The following OPCML variants were observed in gnomAD, a reference collection of about 807,000 sequenced individuals.
The protein encoded by OPCML is opioid binding protein/cell adhesion molecule like, also known as opioid-binding protein/cell adhesion molecule.
Under a neutral mutation model 37.8 loss-of-function variants are expected in OPCML, and 13 were observed. The ratio of observed to expected loss-of-function variants is 0.34; its 90% CI spans 0.22 to 0.55. OPCML has a LOEUF of 0.55. Ranked by LOEUF, OPCML falls within the 20% of genes least tolerant of loss-of-function variation. The pLI, the probability that OPCML is intolerant of heterozygous loss-of-function variation, is 0.91. For synonymous variants in OPCML, 176 were observed against 168.8 expected (o/e 1.04, Z -0.33); for missense variants, 341 against 435.6 (o/e 0.78, Z 1.93).
intron 1 of OPCML, among the ~76,000 whole-genome samples, chr11:133,028,524 CGTGTGTGTGTGT>C (rs10541354): frequency 1.4e-5 from 2 of 147,234 alleles, no homozygotes; most frequent in Admixed American, 1.3e-4. Flanking sequence ...TGATAAGGAG[CGTGTGTGTGTGT>C]GTGTGTGTGT....
intron 1 of OPCML, among the ~76,000 whole-genome samples, chr11:133,150,149 GTCTT>G (rs1293250670): frequency 1.3e-5 from 2 of 152,224 alleles, no homozygotes; most frequent in African/African-American, 4.8e-5. Context: ...TGTTTTCTGT[GTCTT>G]TATTCTCCAC....
At position 133,303,457 on chromosome 11, in the gene OPCML, A is replaced by G. The variant is rs1942832178; in HGVS notation, c.61+228807T>C. Among the ~76,000 whole-genome samples the G allele has an allele frequency of 2.0e-5, 3 of 152,306 alleles. No homozygotes were observed. The South Asian group carries it at 6.2e-4, about 32-fold the overall frequency. ...AAACTAGAAGGTTTCATGACTGCTAATTGCTGAGTCTGCTATTCATTGCGG... is the reference window on the plus strand; with the variant it reads ...AAACTAGAAGGTTTCATGACTGCTAGTTGCTGAGTCTGCTATTCATTGCGG... On this transcript the variant is annotated intron_variant, in intron 1 of 7. Transcript: ENST00000524381.
intron 2 of OPCML, among the ~76,000 whole-genome samples, chr11:132,805,583 C>T (rs764072382): frequency 2.6e-5 from 4 of 152,136 alleles, no homozygotes; most frequent in Non-Finnish European, 5.9e-5. Context: ...GACTTCTCAT[C>T]AGAGCAATAG....
At chr11:132,796,561 CTTTCT>C (rs1565870494) in intron 2 of OPCML, among the ~76,000 whole-genome samples, 2 of 122,298 alleles carry the variant, frequency 1.6e-5, no homozygotes, top group African/African-American at 6.1e-5. Flanking sequence ...CACTTTTCTT[CTTTCT>C]TTTTTTTTTT....
intron 1 of OPCML, among the ~76,000 whole-genome samples, chr11:133,498,488 G>A (rs993490794): frequency 1.1e-4 from 16 of 152,280 alleles, no homozygotes; most frequent in East Asian, 7.7e-4. Context: ...GCACAATATC[G>A]CGCAGGGCCC....
intron 1 of OPCML, among the ~76,000 whole-genome samples, chr11:133,382,111 C>T (rs551001069): frequency 9.2e-5 from 14 of 152,268 alleles, no homozygotes; most frequent in African/African-American, 1.9e-4. Flanking sequence ...TTTGGGGAGG[C>T]GGAGGGATGG....
intron 1 of OPCML, among the ~76,000 whole-genome samples, chr11:133,321,589 G>T (rs1236882574): frequency 6.6e-6 from 1 of 152,120 alleles, no homozygotes; most frequent in Non-Finnish European, 1.5e-5. Context: ...GGGCCACTCT[G>T]GACAGGCATG....
At chr11:132,613,345 C>T (rs561263397) in intron 3 of OPCML, among the ~76,000 whole-genome samples, 2 of 152,194 alleles carry the variant, frequency 1.3e-5, no homozygotes, top group Non-Finnish European at 2.9e-5. Flanking sequence ...TCGGGACATC[C>T]TCACTGAACT....
At chr11:132,624,517 C>G (rs1163925478) in intron 3 of OPCML, among the ~76,000 whole-genome samples, 1 of 152,106 alleles carries the variant, frequency 6.6e-6, no homozygotes, top group African/African-American at 2.4e-5. Context: ...TCCAGGGGTC[C>G]CTTGTCCTCT....
At chr11:132,923,656 G>A (rs1944886891) in intron 2 of OPCML, among the ~76,000 whole-genome samples, 1 of 151,848 alleles carries the variant, frequency 6.6e-6, no homozygotes, top group Admixed American at 6.6e-5. Flanking sequence ...TACTTACACA[G>A]CTGGGAAGAA....
chr11:132,677,846 T>G (rs1025716951), intron 2 of OPCML, among the ~76,000 whole-genome samples: 2 of 152,168 alleles, frequency 1.3e-5, no homozygotes, highest in Admixed American at 1.3e-4. Flanking sequence ...GGTTTGGCAA[T>G]GACTTTTTAA....
At chr11:132,709,991 T>A (rs567757552) in intron 2 of OPCML, among the ~76,000 whole-genome samples, 1 of 152,306 alleles carries the variant, frequency 6.6e-6, no homozygotes, top group African/African-American at 2.4e-5. Context: ...GAAACAAATG[T>A]TTAGTGCTTA....
intron 1 of OPCML, among the ~76,000 whole-genome samples, chr11:132,952,655 G>A (rs368064601): frequency 5.9e-5 from 9 of 152,238 alleles, no homozygotes; most frequent in African/African-American, 1.9e-4. Flanking sequence ...AACATTGTGC[G>A]TGAATTAAAA....
At chr11:133,086,482 G>A (rs1948820485) in intron 1 of OPCML, among the ~76,000 whole-genome samples, 1 of 152,096 alleles carries the variant, frequency 6.6e-6, no homozygotes, top group Admixed American at 6.5e-5. Context: ...TCTGATAAAT[G>A]TCCTCCTCTT....
intron 2 of OPCML, among the ~76,000 whole-genome samples, chr11:132,702,154 T>C (rs953813036): frequency 6.6e-6 from 1 of 152,174 alleles, no homozygotes; most frequent in East Asian, 1.9e-4. Context: ...ACCTTTAGAG[T>C]GACTTTTACA....
At chr11:132,723,293 T>C (rs777570339) in intron 2 of OPCML, among the ~76,000 whole-genome samples, 3 of 152,230 alleles carry the variant, frequency 2.0e-5, no homozygotes, top group Non-Finnish European at 4.4e-5. Flanking sequence ...ATATGGTGTG[T>C]TCTTGCATAA....
chr11:133,207,451 T>C (rs1300061114), intron 1 of OPCML, among the ~76,000 whole-genome samples: 2 of 152,178 alleles, frequency 1.3e-5, no homozygotes, highest in African/African-American at 4.8e-5. Context: ...GTGATAATGA[T>C]GATCCAGTTT....
chr11:133,052,114 TA>T (rs923671020), intron 1 of OPCML, among the ~76,000 whole-genome samples: 1 of 152,176 alleles, frequency 6.6e-6, no homozygotes, highest in African/African-American at 2.4e-5. Context: ...CCCCTTTGAT[TA>T]AAATACACCA....
At chr11:133,382,211 T>C (rs1412525509) in intron 1 of OPCML, among the ~76,000 whole-genome samples, 1 of 152,206 alleles carries the variant, frequency 6.6e-6, no homozygotes, top group Non-Finnish European at 1.5e-5. Flanking sequence ...TAATGCTCAT[T>C]AATCAAGCTC....
Sources: gnomAD v4.1 joint callset for allele counts (sites outside exome capture counted in the v4.1 genomes callset) on GRCh38, gnomAD v4.1.1 for gene constraint, MANE v1.5 for transcripts, NCBI Gene and HGNC (gene_info 2026-07-23, HGNC 2026-07-21) for gene names.